SRBD1: variants seen among roughly 807,000 people sequenced by gnomAD.
SRBD1 encodes the protein S1 RNA-binding domain-containing protein 1.
SRBD1 carries 88 observed loss-of-function variants against 115.3 expected under a neutral mutation model. The ratio of observed to expected loss-of-function variants is 0.76; its 90% CI spans 0.64 to 0.91. SRBD1 has a LOEUF of 0.91. Among genes scored for constraint, SRBD1 ranks in the 40% least tolerant of loss-of-function variants. SRBD1 has a pLI of 0.00. For missense variants in SRBD1, 1,385 were observed against 1,177.4 expected (o/e 1.18, Z -2.58); for synonymous variants, 509 against 407.7 (o/e 1.25, Z -2.99).
At chr2:45,482,771 C>G (rs573192086) in intron 15 of SRBD1, among the ~76,000 whole-genome samples, 1 of 152,000 alleles carries the variant, frequency 6.6e-6, no homozygotes, top group Non-Finnish European at 1.5e-5. Flanking sequence ...GTGATTGGTT[C>G]CAGGACCCCT....
chr2:45,426,160 G>T lies in SRBD1; in HGVS notation c.2050-6266C>A, dbSNP rs143787694. Among the ~76,000 whole-genome samples, 4 of 152,270 alleles carry T rather than the reference G, an allele frequency of 2.6e-5. No homozygotes were observed. In the East Asian group the frequency reaches 5.8e-4, roughly 22 times the overall value. On this transcript the variant is annotated intron_variant, in intron 16 of 20. Coordinates refer to ENST00000263736, the MANE Select transcript of SRBD1 (RefSeq NM_018079.5). ...TCAACCTGGGATGCTAGAGCTTGGT[G>T]GGGGGAGAGGCACCCATCATTACTG...
intron 7 of SRBD1, among the ~76,000 whole-genome samples, chr2:45,578,783 C>CG (rs1445151474): frequency 5.9e-5 from 9 of 152,174 alleles, no homozygotes; most frequent in African/African-American, 2.2e-4. Flanking sequence ...ACATACAACA[C>CG]GGGGGCTACA....
intron 14 of SRBD1, among the ~76,000 whole-genome samples, chr2:45,534,999 T>A (rs185686941): frequency 6.6e-6 from 1 of 152,104 alleles, no homozygotes; most frequent in Admixed American, 6.5e-5. Flanking sequence ...AATTAATGTA[T>A]CCTTATTAAA....
intron 9 of SRBD1, chr2:45,569,573 T>A (rs992556074): frequency 2.0e-5 from 3 of 152,220 alleles, no homozygotes; most frequent in Non-Finnish European, 4.4e-5. Flanking sequence ...TCTCTCTTTA[T>A]AGCAGTAAAA....
intron 17 of SRBD1, 69 bp downstream of exon 17, chr2:45,419,719 A>C: frequency 7.2e-7 from 1 of 1,390,888 alleles, no homozygotes. Flanking sequence ...CCCTTCTTCT[A>C]GCCGAGTTTG....
At chr2:45,576,081 C>A (rs1673168249) in intron 7 of SRBD1, among the ~76,000 whole-genome samples, 1 of 152,174 alleles carries the variant, frequency 6.6e-6, no homozygotes, top group South Asian at 2.1e-4. Flanking sequence ...ACCTCCTCCA[C>A]CACTTCTGCT....
intron 14 of SRBD1, among the ~76,000 whole-genome samples, chr2:45,492,365 C>T (rs11680858): frequency 0.26 from 40,055 of 152,020 alleles, 5,381 homozygotes; most frequent in South Asian, 0.32. Flanking sequence ...ATGTTATTAT[C>T]ATTATTATAT....
intron 14 of SRBD1, chr2:45,546,485 A>G: frequency 2.2e-6 from 1 of 462,176 alleles, no homozygotes; most frequent in Non-Finnish European, 2.8e-6. Context: ...ATCCAATGAA[A>G]CTGAGCCCTA....
chr2:45,573,110 G>A, intron 9 of SRBD1, 97 bp downstream of exon 9: 1 of 1,273,846 alleles, frequency 7.9e-7, no homozygotes, highest in Non-Finnish European at 1.0e-6. Context: ...GAAAACAGTT[G>A]ACATAAAATT....
intron 14 of SRBD1, among the ~76,000 whole-genome samples, chr2:45,499,376 T>C (rs1468258265): frequency 6.6e-6 from 1 of 152,252 alleles, no homozygotes; most frequent in African/African-American, 2.4e-5. Context: ...TTGAGCTGTT[T>C]CACTTCCTTA....
chr2:45,589,175 T>C (rs1170436019), intron 4 of SRBD1, among the ~76,000 whole-genome samples: 2 of 152,160 alleles, frequency 1.3e-5, no homozygotes. Flanking sequence ...AAGCCCCTTA[T>C]TTTCTTCTTT....
intron 16 of SRBD1, among the ~76,000 whole-genome samples, chr2:45,432,266 T>C (rs1034452459): frequency 6.6e-6 from 1 of 152,104 alleles, no homozygotes; most frequent in Non-Finnish European, 1.5e-5. Context: ...CGACCTCAGG[T>C]GATCCGCCCA....
intron 18 of SRBD1, among the ~76,000 whole-genome samples, chr2:45,416,909 G>C (rs977431631): frequency 2.8e-4 from 43 of 152,128 alleles, no homozygotes; most frequent in Non-Finnish European, 1.5e-5. Context: ...CTCCTGGGTA[G>C]CTGGGATTAC....
intron 16 of SRBD1, among the ~76,000 whole-genome samples, chr2:45,450,741 C>G (rs1005597321): frequency 6.6e-6 from 1 of 152,008 alleles, no homozygotes; most frequent in African/African-American, 2.4e-5. Flanking sequence ...GCAAAAGTGC[C>G]CTATCTTGGC....
chr2:45,599,445 A>C lies in SRBD1; in HGVS notation c.648+4T>G. The stretch of plus-strand genomic sequence containing the variant: ...CTAAAGTGACAGAAAAAGGCTGCAC[A>C]TACCTGTACCATGTCCCAATTCATT... On this transcript the variant is annotated splice_donor_region_variant and intron_variant, in intron 4 of 20. Transcript: ENST00000263736. 2 of 1,610,480 alleles carry C rather than the reference A, an allele frequency of 1.2e-6. No individual in the cohort carries two copies. The highest frequency in any genetic ancestry group is 1.7e-6 in the Non-Finnish European group (2 of 1,177,810).
At chr2:45,462,471 A>G (rs1023799522) in intron 16 of SRBD1, among the ~76,000 whole-genome samples, 5 of 152,214 alleles carry the variant, frequency 3.3e-5, no homozygotes, top group Non-Finnish European at 7.3e-5. Flanking sequence ...TATATGTCAG[A>G]AAATTATCCC....
At chr2:45,542,586 T>C (rs781342751) in intron 14 of SRBD1, among the ~76,000 whole-genome samples, 11 of 152,212 alleles carry the variant, frequency 7.2e-5, no homozygotes, top group Non-Finnish European at 1.3e-4. Context: ...TTCTGATACA[T>C]TGTTGGTGGG....
chr2:45,407,037 A>G (rs1268751025), intron 19 of SRBD1, among the ~76,000 whole-genome samples: 1 of 152,196 alleles, frequency 6.6e-6, no homozygotes, highest in Non-Finnish European at 1.5e-5. Flanking sequence ...TAGCCTAGTT[A>G]AAAGCTCAAG....
intron 4 of SRBD1, among the ~76,000 whole-genome samples, chr2:45,590,671 G>A (rs959390473): frequency 3.3e-5 from 5 of 152,188 alleles, no homozygotes; most frequent in African/African-American, 1.2e-4. Flanking sequence ...CTTCCGCCAT[G>A]ATTGTAAGTC....
Sources: allele counts gnomAD v4.1 joint callset (sites outside exome capture counted in the v4.1 genomes callset), GRCh38; gene constraint gnomAD v4.1.1; transcripts MANE v1.5; gene names NCBI Gene and HGNC (gene_info 2026-07-23, HGNC 2026-07-21).